VASH2: variants seen among roughly 807,000 people sequenced by gnomAD.
VASH2 encodes tubulinyl-Tyr carboxypeptidase 2.
Under a neutral mutation model 37.2 loss-of-function variants are expected in VASH2, and 28 were observed. The observed-to-expected ratio is 0.75, with a 90% confidence interval of 0.56 to 1.03. The LOEUF (loss-of-function observed/expected upper bound fraction) is 1.03. Among genes scored for constraint, VASH2 ranks in the 50% least tolerant of loss-of-function variants. VASH2 has a pLI of 0.00. For missense variants in VASH2, 419 were observed against 459.1 expected, an observed-to-expected ratio of 0.91 and a Z score of 0.80; for synonymous variants, 188 against 174.7, an observed-to-expected ratio of 1.08 and a Z score of -0.60.
Position 212,951,855 on chromosome 1 carries a change from G to A in VASH2, c.276+37G>A. 1 of 1,578,186 alleles carries A rather than the reference G, an allele frequency of 6.3e-7. No individual in the cohort carries two copies. The highest frequency in any genetic ancestry group is 8.6e-7 in the Non-Finnish European group (1 of 1,168,190). On this transcript the variant is annotated intron_variant, in intron 2 of 7. Transcript: ENST00000517399. The surrounding 1 kb of genome is among the most constrained non-coding windows in gnomAD (Gnocchi z 4.4). Reference sequence around the variant, plus strand: ...CCAGGGCGGAGTTGGGGGGCTGGGGGTAGGTAGGCAGCGATGGGACCGTTT... The same window carrying A: ...CCAGGGCGGAGTTGGGGGGCTGGGGATAGGTAGGCAGCGATGGGACCGTTT...
chr1:212,979,348 A>C (rs2102653901), intron 7 of VASH2, among the ~76,000 whole-genome samples: 1 of 152,340 alleles, frequency 6.6e-6, no homozygotes, highest in African/African-American at 2.4e-5. Context: ...GGCCAGGACT[A>C]GGGTTTGGTG....
At chr1:212,973,636 G>A in intron 6 of VASH2, 22 of 1,227,902 alleles carry the variant, frequency 1.8e-5, no homozygotes, top group Non-Finnish European at 2.2e-5. Flanking sequence ...TTCGTGAGGA[G>A]AGGAACTTGC....
intron 2 of VASH2, among the ~76,000 whole-genome samples, chr1:212,953,980 C>G (rs1666405295): frequency 6.6e-6 from 1 of 151,538 alleles, no homozygotes; most frequent in Admixed American, 6.6e-5. Flanking sequence ...GTGATCATGG[C>G]TCACGGCAGC....
chr1:212,987,377 A>T (rs779814245), intron 7 of VASH2, among the ~76,000 whole-genome samples: 5 of 151,960 alleles, frequency 3.3e-5, no homozygotes, highest in African/African-American at 7.3e-5. Flanking sequence ...GGAGTTCGAG[A>T]CCAGCCTGAC....
intron 2 of VASH2, among the ~76,000 whole-genome samples, 196 bp downstream of exon 2, chr1:212,952,014 G>A (rs1666328976): frequency 6.6e-6 from 1 of 152,198 alleles, no homozygotes; most frequent in Non-Finnish European, 1.5e-5. Flanking sequence ...AAATGGGGAA[G>A]GGAGAGGTAG....
In VASH2 at chr1:212,990,378, C is replaced by T. The variant is rs1392581090; in HGVS notation, c.*1794C>T. 2.6e-5 allele frequency: 4 copies of T among 152,180 alleles called. No individual in the cohort carries two copies. Among genetic ancestry groups the T allele is most frequent in the Non-Finnish European group, 5.9e-5 (4 of 68,026 alleles). The allele number at this position is 152,180 out of a possible 1,614,324, so 9.4% of individuals were successfully genotyped here. A position where few individuals can be genotyped will look rare whatever the true frequency, so the allele number is the denominator to read the frequency against. ...TTTATCTACACACAGCAAACCCATT[C>T]GCAGCCTCTTGGCCACATGTATTCA... On this transcript the variant is annotated 3_prime_UTR_variant, in exon 8 of 8. Coordinates refer to ENST00000517399, the MANE Select transcript of VASH2 (RefSeq NM_001301056.2).
In VASH2 at chr1:212,951,779, A is replaced by T; in HGVS notation, c.237A>T (p.Glu79Asp). 8 of 1,608,544 alleles carry T rather than the reference A, an allele frequency of 5.0e-6. No homozygotes were observed. Among genetic ancestry groups the T allele is most frequent in the Non-Finnish European group, 6.8e-6 (8 of 1,178,600 alleles). Reference sequence around the variant, plus strand: ...CCAAGGTGCACCCTAAGGGGGGAGAAATGGTGGGCGCCATCAGGAACGCCG... The same window carrying T: ...CCAAGGTGCACCCTAAGGGGGGAGATATGGTGGGCGCCATCAGGAACGCCG... ...HVAKVHPKGG[E>D]MVGAIRNAAF... The change falls in exon 2 of 8, where the codon GAA becomes GAT. Residue 79 changes from glutamate (E) to aspartate (D), a missense_variant. Glu to Asp is a conservative substitution (Grantham distance 45). Coordinates refer to ENST00000517399, the MANE Select transcript of VASH2 (RefSeq NM_001301056.2). This position sits in a 1 kb window ranked among gnomAD's most constrained non-coding sequence, Gnocchi z 4.4.
chr1:212,956,576 C>T (rs113923162), intron 2 of VASH2, among the ~76,000 whole-genome samples: 4,804 of 152,198 alleles, frequency 0.032, 105 homozygotes, highest in South Asian at 0.06. Flanking sequence ...GGAGGGACCC[C>T]AGTCACGAAC....
At chr1:212,960,450 G>A (rs1342593879) in intron 2 of VASH2, among the ~76,000 whole-genome samples, 1 of 152,220 alleles carries the variant, frequency 6.6e-6, no homozygotes, top group East Asian at 1.9e-4. Context: ...CTGGGGGTGG[G>A]ACTCAGGGAA....
intron 5 of VASH2, chr1:212,967,134 G>A (rs1572067127): frequency 1.5e-6 from 2 of 1,304,522 alleles, no homozygotes; most frequent in Non-Finnish European, 2.0e-6. Flanking sequence ...TAAAACAAGG[G>A]TCTAGCTTCT....
rs111700024 is a variant in VASH2, at chr1:212,980,862, C to G, written c.995+6792C>G. Among the ~76,000 whole-genome samples, 3 of 152,182 alleles carry G rather than the reference C, an allele frequency of 2.0e-5. No individual in the cohort carries two copies. The East Asian group carries it at 5.8e-4, about 29-fold the overall frequency. On this transcript the variant is annotated intron_variant, in intron 7 of 7. Transcript: ENST00000517399. ...AAGGCTACGAAGGGAAAAGCTAAAC[C>G]GCCAAGATGGTGAAGGGGCAGTTTC... is the stretch of plus-strand genomic sequence containing the variant.
chr1:212,963,649 A>T (rs1050132490), intron 3 of VASH2, among the ~76,000 whole-genome samples: 2 of 152,052 alleles, frequency 1.3e-5, no homozygotes, highest in African/African-American at 4.8e-5. Context: ...CTAACAGCAA[A>T]TTCGGGCTCA....
rs59764067 is a variant in VASH2 at position 212,956,445 on chromosome 1, G to A, written c.276+4627G>A. 2.9e-3 allele frequency among the ~76,000 whole-genome samples: 436 copies of A among 151,758 alleles called. 1 individual carries two copies. The highest frequency in any genetic ancestry group is 9.9e-3 in the African/African-American group (412 of 41,536). On this transcript the variant is annotated intron_variant, in intron 2 of 7. Transcript: ENST00000517399. ...ATTGTGCCTTCATCAGCCTGGCCAC[G>A]GCTGTGGGGCTAACGTAGGCAGCAG...
At position 212,971,253 on chromosome 1, in the gene VASH2, G is replaced by A. The variant is rs1371122545; in HGVS notation, c.498-1327G>A. On this transcript the variant is annotated intron_variant, in intron 5 of 7. Coordinates refer to ENST00000517399, the MANE Select transcript of VASH2 (RefSeq NM_001301056.2). The surrounding 1 kb of genome is among the most constrained non-coding windows in gnomAD (Gnocchi z 4.0). ...GCTATTGCAAATGATGCTGTTCAGA[G>A]CATGGGTGTACAAATACCTGCTGGG... is the stretch of plus-strand genomic sequence containing the variant. Among the ~76,000 whole-genome samples, 2 of 152,220 alleles carry A rather than the reference G, an allele frequency of 1.3e-5. No homozygotes were observed. The highest frequency in any genetic ancestry group is 2.4e-5 in the African/African-American group (1 of 41,452).
In VASH2 at chr1:212,968,125, T is replaced by C. The variant is rs1248113856; in HGVS notation, c.497+1780T>C. The C allele has an allele frequency of 3.7e-6, 3 of 821,140 alleles. No homozygotes were observed. In the Admixed American group the frequency reaches 1.9e-4, roughly 51 times the overall value. The allele number at this position is 821,140 out of a possible 1,614,324, so 50.9% of individuals were successfully genotyped here. A position where few individuals can be genotyped will look rare whatever the true frequency, so the allele number is the denominator to read the frequency against. Reference sequence around the variant, plus strand: ...GAGCTCAGATTTGGACATGTGAAATTTGAGGTGCCTTGTGGGATGTCGGAA... The same window carrying C: ...GAGCTCAGATTTGGACATGTGAAATCTGAGGTGCCTTGTGGGATGTCGGAA... On this transcript the variant is annotated intron_variant, in intron 5 of 7. Coordinates refer to ENST00000517399, the MANE Select transcript of VASH2 (RefSeq NM_001301056.2).
intron 6 of VASH2, chr1:212,973,633 G>C: frequency 8.2e-7 from 1 of 1,226,156 alleles, no homozygotes; most frequent in Non-Finnish European, 1.0e-6. Context: ...GCCTTCGTGA[G>C]GAGAGGAACT....
At chr1:212,952,095 T>TA (rs1666332404) in intron 2 of VASH2, among the ~76,000 whole-genome samples, 1 of 152,142 alleles carries the variant, frequency 6.6e-6, no homozygotes, top group Non-Finnish European at 1.5e-5. Context: ...CCAAACTCTA[T>TA]TATTTACTCA....
rs1246446084 is a variant in VASH2 at position 212,972,656 on chromosome 1, C to T, written c.574C>T (p.His192Tyr). ...AACCTACTTCTCAGGAAACTACTTT[C>T]ACCACGTTGTGCTGGGGATTTACTG... ...FKTYFSGNYF[H>Y]HVVLGIYCNG... Residue 192 changes from histidine (H) to tyrosine (Y), a missense_variant, in exon 6 of 8, where the codon CAC becomes TAC. Transcript: ENST00000517399. The T allele has an allele frequency of 2.7e-5, 43 of 1,614,234 alleles. No individual in the cohort carries two copies. The highest frequency in any genetic ancestry group is 4.5e-5 in the East Asian group (2 of 44,888).
chr1:212,956,444 C>T (rs1034464119), intron 2 of VASH2, among the ~76,000 whole-genome samples: 5 of 152,138 alleles, frequency 3.3e-5, no homozygotes, highest in African/African-American at 9.7e-5. Context: ...AGCCTGGCCA[C>T]GGCTGTGGGG....
Sources: allele counts gnomAD v4.1 joint callset (sites outside exome capture counted in the v4.1 genomes callset), GRCh38; gene constraint gnomAD v4.1.1; non-coding constraint Gnocchi (gnomAD v3.1); transcripts MANE v1.5; gene names NCBI Gene and HGNC (gene_info 2026-07-23, HGNC 2026-07-21).